The following MRPS28 variants were observed in gnomAD, a reference collection of about 807,000 sequenced individuals.
MRPS28 encodes small ribosomal subunit protein bS1m.
Under a neutral mutation model 10.8 loss-of-function variants are expected in MRPS28, and 7 were observed. The observed-to-expected ratio is 0.65, with a 90% CI of 0.37 to 1.22. The LOEUF is 1.22. MRPS28 is among the 50% of genes most tolerant of loss of function. The probability of loss-of-function intolerance (pLI) is 0.02; values close to 1 mark genes in which losing one functional copy is unlikely to be tolerated. For missense variants in MRPS28, 265 were observed against 232.9 expected, an observed-to-expected ratio of 1.14 and a Z score of -0.90; for synonymous variants, 121 against 93.3, an observed-to-expected ratio of 1.30 and a Z score of -1.71.
chr8:79,952,898 G>T (rs1430864022), intron 2 of MRPS28, among the ~76,000 whole-genome samples: 1 of 152,132 alleles, frequency 6.6e-6, no homozygotes, highest in Non-Finnish European at 1.5e-5. Flanking sequence ...ATCTGATTTT[G>T]GGAAAATCAT....
intron 1 of MRPS28, among the ~76,000 whole-genome samples, chr8:80,027,540 G>C (rs1809522947): frequency 6.6e-6 from 1 of 152,190 alleles, no homozygotes; most frequent in Admixed American, 6.5e-5. Flanking sequence ...TTCTCAAGGA[G>C]AGCAATAAGT....
chr8:80,003,541 C>G (rs916311835), intron 1 of MRPS28, among the ~76,000 whole-genome samples: 1 of 152,176 alleles, frequency 6.6e-6, no homozygotes, highest in East Asian at 1.9e-4. Context: ...CGAATAGGAA[C>G]AGCTCCAGTC....
chr8:79,997,498 T>A (rs1808531913), intron 2 of MRPS28, among the ~76,000 whole-genome samples: 1 of 152,146 alleles, frequency 6.6e-6, no homozygotes, highest in South Asian at 2.1e-4. Context: ...AGCAATACCT[T>A]TCACGTTTTT....
chr8:79,966,039 T>C (rs1282489642), intron 2 of MRPS28, among the ~76,000 whole-genome samples: 1 of 152,054 alleles, frequency 6.6e-6, no homozygotes, highest in African/African-American at 2.4e-5. Context: ...TCTAGCAGTA[T>C]GTTAGAATGA....
chr8:80,011,138 T>TA (rs1304246369), intron 1 of MRPS28, among the ~76,000 whole-genome samples: 17 of 141,388 alleles, frequency 1.2e-4, no homozygotes, highest in African/African-American at 4.0e-4. Flanking sequence ...TTTTTTTATT[T>TA]TTATTTTTTT....
rs190767955 is a variant in MRPS28, at chr8:79,984,032, G to A, written c.395+18967C>T. ...TTAAGGGCAGCCAGACAGAAAGGTCGGGTTACCCACAAAGGGAAGGCCATC... is the reference window on the plus strand; with the variant it reads ...TTAAGGGCAGCCAGACAGAAAGGTCAGGTTACCCACAAAGGGAAGGCCATC... On this transcript the variant is annotated intron_variant, in intron 2 of 2. Coordinates refer to ENST00000276585, the MANE Select transcript of MRPS28 (RefSeq NM_014018.3). Among the ~76,000 whole-genome samples, 1,306 of 152,142 alleles carry A rather than the reference G, an allele frequency of 8.6e-3. 25 individuals carry two copies. The highest frequency in any genetic ancestry group is 0.03 in the African/African-American group (1,237 of 41,454).
chr8:79,987,085 T>C (rs1358613331), intron 2 of MRPS28, among the ~76,000 whole-genome samples: 175 of 152,008 alleles, frequency 1.2e-3, no homozygotes, highest in Non-Finnish European at 2.1e-3. Flanking sequence ...GAGATATAGA[T>C]CAATGGAACA....
chr8:79,928,211 G>T (rs1342191703), intron 2 of MRPS28, among the ~76,000 whole-genome samples: 1 of 151,764 alleles, frequency 6.6e-6, no homozygotes, highest in Non-Finnish European at 1.5e-5. Flanking sequence ...AGTGCCTGTA[G>T]TTCCAGCTAC....
At chr8:80,011,937 G>T (rs566287359) in intron 1 of MRPS28, among the ~76,000 whole-genome samples, 33 of 152,224 alleles carry the variant, frequency 2.2e-4, no homozygotes, top group Non-Finnish European at 4.0e-4. Context: ...GCTAAGATTA[G>T]TATAATAGTA....
At chr8:79,969,954 T>G (rs971778050) in intron 2 of MRPS28, among the ~76,000 whole-genome samples, 27 of 152,224 alleles carry the variant, frequency 1.8e-4, no homozygotes, top group Non-Finnish European at 3.4e-4. Flanking sequence ...GACGCATTCA[T>G]TCACTCAAGT....
At chr8:79,973,030 T>C (rs1261130180) in intron 2 of MRPS28, among the ~76,000 whole-genome samples, 1 of 152,198 alleles carries the variant, frequency 6.6e-6, no homozygotes, top group Non-Finnish European at 1.5e-5. Context: ...AATTGATAGG[T>C]ATTCAACAGG....
intron 2 of MRPS28, among the ~76,000 whole-genome samples, chr8:79,940,137 G>A (rs1405368144): frequency 6.6e-6 from 1 of 152,054 alleles, no homozygotes; most frequent in African/African-American, 2.4e-5. Flanking sequence ...ACTTATATTA[G>A]GGGTAAGATT....
intron 1 of MRPS28, among the ~76,000 whole-genome samples, chr8:80,025,131 TGTA>T (rs1347140164): frequency 1.5e-4 from 23 of 152,218 alleles, no homozygotes; most frequent in African/African-American, 5.6e-4. Context: ...ATAGTGTAAA[TGTA>T]GTATTTTGTT....
At chr8:79,940,998 T>G (rs80205123) in intron 2 of MRPS28, among the ~76,000 whole-genome samples, 1 of 152,122 alleles carries the variant, frequency 6.6e-6, no homozygotes, top group Non-Finnish European at 1.5e-5. Context: ...TTCTCACCAA[T>G]AGACAAACTA....
At chr8:79,992,901 A>G (rs930516207) in intron 2 of MRPS28, among the ~76,000 whole-genome samples, 3 of 152,218 alleles carry the variant, frequency 2.0e-5, no homozygotes, top group African/African-American at 4.8e-5. Flanking sequence ...GTTAAAGAAA[A>G]TAATGCATGC....
intron 2 of MRPS28, among the ~76,000 whole-genome samples, chr8:79,988,552 A>G (rs1215851631): frequency 6.6e-6 from 1 of 152,106 alleles, no homozygotes; most frequent in Middle Eastern, 3.2e-3. Context: ...GTTTTCAAGT[A>G]TAGGACAATG....
At chr8:80,026,701 C>T (rs897191771) in intron 1 of MRPS28, among the ~76,000 whole-genome samples, 2 of 152,026 alleles carry the variant, frequency 1.3e-5, no homozygotes, top group Non-Finnish European at 2.9e-5. Flanking sequence ...TCTGGCACCA[C>T]AAGTTAACAT....
intron 2 of MRPS28, among the ~76,000 whole-genome samples, chr8:79,969,059 G>C (rs1807567999): frequency 6.6e-6 from 1 of 152,170 alleles, no homozygotes; most frequent in African/African-American, 2.4e-5. Context: ...CCTAGCAAAT[G>C]ATCCTTAAAT....
chr8:79,964,191 C>T (rs1364068808), intron 2 of MRPS28, among the ~76,000 whole-genome samples: 1 of 151,966 alleles, frequency 6.6e-6, no homozygotes, highest in Admixed American at 6.6e-5. Flanking sequence ...GAGGCAATAT[C>T]CAGGTCTGGA....
Sources: gnomAD v4.1 joint callset for allele counts (sites outside exome capture counted in the v4.1 genomes callset) on GRCh38, gnomAD v4.1.1 for gene constraint, MANE v1.5 for transcripts, NCBI Gene and HGNC (gene_info 2026-07-23, HGNC 2026-07-21) for gene names.